PTPRD: variants seen among roughly 807,000 people sequenced by gnomAD.
PTPRD encodes receptor-type tyrosine-protein phosphatase delta.
Under a neutral mutation model 214.5 loss-of-function variants are expected in PTPRD, and 34 were observed. The ratio of observed to expected loss-of-function variants is 0.16; its 90% CI spans 0.12 to 0.21. The LOEUF is 0.21. Ranked by LOEUF, PTPRD falls within the 10% of genes least tolerant of loss-of-function variation. The probability of loss-of-function intolerance (pLI) is 1.00; values close to 1 mark genes in which losing one functional copy is unlikely to be tolerated. For synonymous variants in PTPRD, 1,128 were observed against 845.7 expected (o/e 1.33, Z -5.79); for missense variants, 2,545 against 2,398.7 (o/e 1.06, Z -1.27).
rs111918988 is a variant in PTPRD, at chr9:8,832,124, G to C, written c.-103-98178C>G. Among the ~76,000 whole-genome samples, 6 of 152,026 alleles carry C rather than the reference G, an allele frequency of 3.9e-5. No individual in the cohort carries two copies. The East Asian group carries it at 1.2e-3, about 29-fold the overall frequency. ...TGTATATGTGTGTGTGTGTGTGTGTGTGTGTGTGTGTATGATCTATACATA... is the reference window on the plus strand; with the variant it reads ...TGTATATGTGTGTGTGTGTGTGTGTCTGTGTGTGTGTATGATCTATACATA... On this transcript the variant is annotated intron_variant, in intron 11 of 45. Transcript: ENST00000381196.
At chr9:10,051,102 A>C (rs888414826) in intron 3 of PTPRD, among the ~76,000 whole-genome samples, 24 of 152,172 alleles carry the variant, frequency 1.6e-4, no homozygotes, top group African/African-American at 5.8e-4. Context: ...TGCAGAAGCC[A>C]CTGAATTCTG....
intron 11 of PTPRD, among the ~76,000 whole-genome samples, chr9:8,774,751 C>T (rs1236138480): frequency 6.6e-6 from 1 of 151,952 alleles, no homozygotes; most frequent in Non-Finnish European, 1.5e-5. Context: ...TCAGGCTGGC[C>T]TCAAACTCCC....
At chr9:9,588,176 C>T (rs16929849) in intron 7 of PTPRD, among the ~76,000 whole-genome samples, 3,228 of 151,790 alleles carry the variant, frequency 0.021, 119 homozygotes, top group African/African-American at 0.073. Flanking sequence ...ATGGGACCTG[C>T]AAGGATTTTA....
intron 4 of PTPRD, among the ~76,000 whole-genome samples, chr9:9,978,028 T>C (rs1455373023): frequency 6.6e-6 from 1 of 152,004 alleles, no homozygotes; most frequent in Non-Finnish European, 1.5e-5. Flanking sequence ...CAAAGAGAAC[T>C]ATCAAAGTAT....
intron 14 of PTPRD, among the ~76,000 whole-genome samples, chr9:8,591,986 G>A (rs1166982954): frequency 6.6e-6 from 1 of 152,102 alleles, no homozygotes; most frequent in Admixed American, 6.5e-5. Flanking sequence ...TGGTTTTACA[G>A]AATTAATTCC....
intron 11 of PTPRD, among the ~76,000 whole-genome samples, chr9:9,001,145 C>T (rs893518304): frequency 2.0e-5 from 3 of 151,928 alleles, no homozygotes; most frequent in African/African-American, 7.2e-5. Context: ...TTGATTCATG[C>T]ATCCATTTAT....
chr9:8,864,568 A>C (rs2098162860), intron 11 of PTPRD, among the ~76,000 whole-genome samples: 1 of 152,192 alleles, frequency 6.6e-6, no homozygotes, highest in Non-Finnish European at 1.5e-5. Flanking sequence ...ATTATTTTTA[A>C]AGGTTCTTTC....
intron 9 of PTPRD, among the ~76,000 whole-genome samples, chr9:9,211,515 GCACACACACACACACACA>G (rs36213005): frequency 1.5e-4 from 22 of 143,656 alleles, no homozygotes; most frequent in South Asian, 2.3e-4. Flanking sequence ...GTGTGCGCAC[GCACACACACACACACACA>G]CACACACACA....
chr9:8,604,690 T>C (rs1047540190), intron 14 of PTPRD, among the ~76,000 whole-genome samples: 30 of 152,286 alleles, frequency 2.0e-4, no homozygotes, highest in Admixed American at 1.4e-3. Context: ...AAATTTAAGA[T>C]GCATTTCTGA....
At chr9:8,709,033 G>C (rs547612314) in intron 12 of PTPRD, among the ~76,000 whole-genome samples, 1 of 152,194 alleles carries the variant, frequency 6.6e-6, no homozygotes, top group East Asian at 1.9e-4. Flanking sequence ...ACTCATATAT[G>C]GGATCTGAAA....
At chr9:8,978,845 C>T (rs928315667) in intron 11 of PTPRD, among the ~76,000 whole-genome samples, 4 of 152,146 alleles carry the variant, frequency 2.6e-5, no homozygotes, top group Non-Finnish European at 4.4e-5. Flanking sequence ...GCTACTATAT[C>T]TTACCTGCTT....
chr9:8,423,391 G>A (rs988189423), intron 35 of PTPRD, among the ~76,000 whole-genome samples: 1 of 152,082 alleles, frequency 6.6e-6, no homozygotes, highest in African/African-American at 2.4e-5. Context: ...CTTGAAATAC[G>A]GCAAGCATCT....
intron 10 of PTPRD, among the ~76,000 whole-genome samples, chr9:9,142,598 G>C (rs988070822): frequency 2.0e-5 from 3 of 152,074 alleles, no homozygotes; most frequent in African/African-American, 7.2e-5. Context: ...AGTGTTCATT[G>C]CATGTTTAAG....
chr9:8,500,102 A>C (rs1005492641), intron 24 of PTPRD, among the ~76,000 whole-genome samples: 1 of 151,960 alleles, frequency 6.6e-6, no homozygotes, highest in African/African-American at 2.4e-5. Context: ...GAAATAGAAA[A>C]ACATGTAAAA....
At chr9:9,974,738 G>C (rs1010594602) in intron 4 of PTPRD, among the ~76,000 whole-genome samples, 1 of 152,110 alleles carries the variant, frequency 6.6e-6, no homozygotes, top group African/African-American at 2.4e-5. Flanking sequence ...AGCTCTTTGA[G>C]GATGGGGACT....
intron 7 of PTPRD, among the ~76,000 whole-genome samples, chr9:9,617,824 G>T (rs910568481): frequency 6.6e-6 from 1 of 151,758 alleles, no homozygotes; most frequent in Non-Finnish European, 1.5e-5. Context: ...TGTAATCCCA[G>T]CACTTTGGGA....
At chr9:9,624,439 T>C (rs139311505) in intron 7 of PTPRD, among the ~76,000 whole-genome samples, 45 of 152,002 alleles carry the variant, frequency 3.0e-4, no homozygotes, top group African/African-American at 8.7e-4. Flanking sequence ...TATGCCACCA[T>C]GTCTGGCTAA....
At chr9:8,920,236 G>A (rs2098818011) in intron 11 of PTPRD, among the ~76,000 whole-genome samples, 3 of 151,922 alleles carry the variant, frequency 2.0e-5, no homozygotes, top group Non-Finnish European at 2.9e-5. Context: ...AGCTACTTGG[G>A]GGGCTGAGGC....
chr9:8,930,981 C>A (rs1216492303), intron 11 of PTPRD, among the ~76,000 whole-genome samples: 1 of 152,126 alleles, frequency 6.6e-6, no homozygotes, highest in African/African-American at 2.4e-5. Flanking sequence ...TCCCATTTGT[C>A]AATTTTGGCT....
Sources: gnomAD v4.1 joint callset for allele counts (sites outside exome capture counted in the v4.1 genomes callset) on GRCh38, gnomAD v4.1.1 for gene constraint, MANE v1.5 for transcripts, NCBI Gene and HGNC (gene_info 2026-07-23, HGNC 2026-07-21) for gene names.